Variants in AKAP9 observed in about 807,000 individuals in gnomAD.
The protein encoded by AKAP9 is A-kinase anchoring protein 9.
Under a neutral mutation model 488.5 loss-of-function variants are expected in AKAP9, and 311 were observed. The ratio of observed to expected loss-of-function variants is 0.64; its 90% CI spans 0.58 to 0.70. The LOEUF is 0.70. AKAP9 is among the 30% of genes least tolerant of loss of function. The probability of loss-of-function intolerance (pLI) is 0.00; values close to 1 mark genes in which losing one functional copy is unlikely to be tolerated. For synonymous variants in AKAP9, 1,462 were observed against 1,483.5 expected (o/e 0.99, Z 0.33); for missense variants, 4,215 against 4,374.5 (o/e 0.96, Z 1.03).
chr7:91,994,808 T>A, intron 6 of AKAP9, 32 bp downstream of exon 6: 1 of 1,570,610 alleles, frequency 6.4e-7, no homozygotes, highest in East Asian at 2.3e-5. Context: ...AAATTCATTA[T>A]TTTTTTAGTA....
intron 30 of AKAP9, among the ~76,000 whole-genome samples, chr7:92,078,602 A>G (rs1395866207): frequency 2.0e-5 from 3 of 151,712 alleles, no homozygotes; most frequent in Non-Finnish European, 2.9e-5. Flanking sequence ...GCAAAGACAC[A>G]TTGGTTTAAT....
Position 92,082,529 on chromosome 7 carries a change from C to T in AKAP9, c.8027C>T (p.Thr2676Ile). Residue 2676 changes from threonine (T) to isoleucine (I), a missense_variant, in exon 32 of 50, where the codon ACT becomes ATT. By Grantham distance (89) the Thr-to-Ile change is moderately conservative (BLOSUM62 -1). Transcript: ENST00000356239. ...GTTTCCGCTGTCATTCAGACAACTA[C>T]TGAGCTATTTCATAGCAATGAAGAA... ...PQDVEVLKTTTELFHSNEESG... is the reference protein window; with the variant it reads ...PQDVEVLKTTIELFHSNEESG... 6.2e-7 allele frequency: 1 copy of T among 1,613,652 alleles called. No homozygotes were observed.
chr7:91,984,720 G>C (rs1174991083), intron 3 of AKAP9, among the ~76,000 whole-genome samples: 2 of 152,148 alleles, frequency 1.3e-5, no homozygotes, highest in African/African-American at 2.4e-5. Context: ...ATTACCTTGG[G>C]CAGTGTGGCC....
chr7:92,065,119 A>C, intron 24 of AKAP9, 112 bp from the exon 25 acceptor site: 1 of 616,924 alleles, frequency 1.6e-6, no homozygotes, highest in South Asian at 2.3e-5. Flanking sequence ...GTGTATTTAA[A>C]ATAATTCTCA....
At position 92,099,764 on chromosome 7, in the gene AKAP9, G is replaced by T. The variant is rs935020060; in HGVS notation, c.10791G>T (p.Gly3597=). ...RLLRQNAELT[G]HISQLTEEKN... Reference sequence around the variant, plus strand: ...TGAGACAAAATGCTGAGCTGACAGGGCATATCAGTCAACTGACTGAAGAGA... The same window carrying T: ...TGAGACAAAATGCTGAGCTGACAGGTCATATCAGTCAACTGACTGAAGAGA... The change falls in exon 44 of 50, where the codon GGG becomes GGT. Residue 3597 remains glycine (G), a synonymous_variant. Transcript: ENST00000356239. 1.2e-6 allele frequency: 2 copies of T among 1,613,872 alleles called. No individual in the cohort carries two copies. The highest frequency in any genetic ancestry group is 1.7e-6 in the Non-Finnish European group (2 of 1,179,940).
At chr7:92,039,836 A>G (rs904952692) in intron 17 of AKAP9, among the ~76,000 whole-genome samples, 2 of 152,056 alleles carry the variant, frequency 1.3e-5, no homozygotes. Flanking sequence ...TTAGCTGGGC[A>G]TGGCAGTACA....
intron 1 of AKAP9, among the ~76,000 whole-genome samples, chr7:91,967,367 C>T (rs546662690): frequency 6.6e-6 from 1 of 152,082 alleles, no homozygotes; most frequent in African/African-American, 2.4e-5. Context: ...GAAAGTGGAC[C>T]TCCTTGTCTT....
intron 16 of AKAP9, among the ~76,000 whole-genome samples, chr7:92,034,132 G>A (rs892997909): frequency 2.7e-4 from 41 of 152,172 alleles, no homozygotes; most frequent in African/African-American, 9.2e-4. Flanking sequence ...GAATCAGGAA[G>A]ATATCAGGTT....
chr7:92,076,437 G>C (rs2130854968), intron 28 of AKAP9, among the ~76,000 whole-genome samples: 1 of 152,320 alleles, frequency 6.6e-6, no homozygotes, highest in Non-Finnish European at 1.5e-5. Flanking sequence ...GGACTAAATT[G>C]AGTTAGTCTT....
intron 22 of AKAP9, among the ~76,000 whole-genome samples, 176 bp from the exon 23 acceptor site, chr7:92,061,084 T>G (rs1311906032): frequency 6.6e-6 from 1 of 152,164 alleles, no homozygotes; most frequent in African/African-American, 2.4e-5. Flanking sequence ...AATATACATG[T>G]CTCCTCTGAT....
At chr7:91,955,215 A>G (rs949059452) in intron 1 of AKAP9, among the ~76,000 whole-genome samples, 1 of 152,218 alleles carries the variant, frequency 6.6e-6, no homozygotes, top group African/African-American at 2.4e-5. Context: ...GGGAGAAGCT[A>G]TGAGCACTGA....
chr7:92,088,133 C>G (rs903020572), intron 37 of AKAP9, among the ~76,000 whole-genome samples: 2 of 152,110 alleles, frequency 1.3e-5, no homozygotes, highest in African/African-American at 4.8e-5. Flanking sequence ...CAGGGAAAAG[C>G]AGTAACTTTA....
chr7:92,073,517 A>G (rs1046096644), intron 28 of AKAP9, among the ~76,000 whole-genome samples: 2 of 152,088 alleles, frequency 1.3e-5, no homozygotes, highest in African/African-American at 4.8e-5. Context: ...AAAAAAAAAG[A>G]AAACAAAAAT....
At position 92,003,095 on chromosome 7, in the gene AKAP9, A is replaced by T; in HGVS notation, c.3178A>T (p.Thr1060Ser). ...AGATAAAGTTTCTTTTGAAAATATG[A>T]CTGTTGGAGAAGAAAGTAAGCAAGA... ...VEDKVSFENM[T>S]VGEESKQEQL... is the part of the protein sequence containing the mutation. The change falls in exon 8 of 50, where the codon ACT becomes TCT. Residue 1060 changes from threonine to serine, a missense_variant. Physicochemically the swap from Thr to Ser is moderately conservative, Grantham distance 58. This residue lies in a region of AKAP9 where 2,361 missense variants were observed against 2,430.0 expected (regional missense o/e 0.97). Transcript: ENST00000356239. 1 of 1,612,206 alleles carries T rather than the reference A, an allele frequency of 6.2e-7. No homozygotes were observed. The highest frequency in any genetic ancestry group is 8.5e-7 in the Non-Finnish European group (1 of 1,179,126).
At chr7:92,110,021 A>G in intron 49 of AKAP9, 101 bp from the exon 50 acceptor site, 1 of 920,992 alleles carries the variant, frequency 1.1e-6, no homozygotes, top group Non-Finnish European at 1.7e-6. Flanking sequence ...CTTTAAAAAA[A>G]TGGAGAATAA....
chr7:92,071,362 T>C (rs541985920), intron 28 of AKAP9, among the ~76,000 whole-genome samples: 4 of 151,290 alleles, frequency 2.6e-5, no homozygotes, highest in Admixed American at 6.6e-5. Context: ...AGAATACATA[T>C]TGAATTATTG....
Position 92,100,938 on chromosome 7 carries a change from T to C in AKAP9, c.10979T>C (p.Leu3660Ser), listed in dbSNP as rs1263587542. The C allele has an allele frequency of 6.2e-7, 1 of 1,614,148 alleles. No homozygotes were observed. Among genetic ancestry groups the C allele is most frequent in the Non-Finnish European group, 8.5e-7 (1 of 1,180,032 alleles). Residue 3660 changes from leucine (L) to serine (S), a missense_variant, in exon 45 of 50, where the codon TTG becomes TCG. Leu to Ser is a moderately radical substitution (Grantham distance 145). Around this residue, in one of 5 missense-constraint regions of AKAP9, gnomAD observed 74 missense variants for 113.0 expected, o/e 0.65. Transcript: ENST00000356239. The stretch of plus-strand genomic sequence containing the variant: ...AAAGAAGTATGGAACAGAGAAAAAT[T>C]GACTCTCCAGAAATCTTTGAAAAGG... ...SEKEVWNREK[L>S]TLQKSLKRAE... is the part of the protein sequence containing the mutation.
At chr7:92,063,515 T>C (rs1442032580) in intron 24 of AKAP9, 2 of 984,442 alleles carry the variant, frequency 2.0e-6, no homozygotes, top group African/African-American at 1.8e-5. Context: ...GTGTATACCA[T>C]TGCATGGCCA....
rs771373831 is a variant in AKAP9, at chr7:92,107,359, ATAC to A, written c.11487_11489del (p.Thr3830del). The A allele has an allele frequency of 6.2e-7, 1 of 1,613,772 alleles. No individual in the cohort carries two copies. Among genetic ancestry groups the A allele is most frequent in the Admixed American group, 1.7e-5 (1 of 60,022 alleles). ...CTGGAGTTATATGGAGAACCAAGAC[ATAC>A]TACGTATCGCTCAAGATCAGATCTG... On this transcript the variant is annotated inframe_deletion, in exon 48 of 50. Transcript: ENST00000356239.
Sources: allele counts gnomAD v4.1 joint callset (sites outside exome capture counted in the v4.1 genomes callset), GRCh38; gene constraint gnomAD v4.1.1; regional missense constraint gnomAD v4.1.1; transcripts MANE v1.5; gene names NCBI Gene and HGNC (gene_info 2026-07-23, HGNC 2026-07-21).